ARHGAP33: variants seen among roughly 807,000 people sequenced by gnomAD.
ARHGAP33 encodes the protein Rho GTPase activating protein 33.
ARHGAP33 carries 57 observed loss-of-function variants against 126.2 expected under a neutral mutation model. The ratio of observed to expected loss-of-function variants is 0.45; its 90% CI spans 0.36 to 0.56. The LOEUF is 0.56. Among genes scored for constraint, ARHGAP33 ranks in the 20% least tolerant of loss-of-function variants. ARHGAP33 has a pLI of 0.00. For missense variants in ARHGAP33, 1,500 were observed against 1,748.3 expected (o/e 0.86, Z 2.53); for synonymous variants, 711 against 755.0 (o/e 0.94, Z 0.95).
chr19:35,788,382 C>T lies in ARHGAP33; in HGVS notation c.3817C>T (p.Pro1273Ser), dbSNP rs1261463074. The change falls in exon 21 of 21, where the codon CCC becomes TCC. Residue 1273 changes from proline to serine, a missense_variant. Physicochemically the swap from Pro to Ser is moderately conservative, Grantham distance 74 (BLOSUM62 -1). This residue lies in a region of ARHGAP33 where 642 missense variants were observed against 634.0 expected (regional missense o/e 1.01). Transcript: ENST00000007510. ...TGGTCCCCCACCCCCTTACCCCACT[C>T]CCAGCTGGTCCCTCCACTCTGAGGG... ...GAGPPPPYPTPSWSLHSEGQT... is the reference protein window; with the variant it reads ...GAGPPPPYPTSSWSLHSEGQT... 10 of 1,585,726 alleles carry T rather than the reference C, an allele frequency of 6.3e-6. No individual in the cohort carries two copies. The highest frequency in any genetic ancestry group is 8.6e-6 in the Non-Finnish European group (10 of 1,166,628).
rs1166484409 is a variant in ARHGAP33 at position 35,785,228 on chromosome 19, G to A, written c.1761G>A (p.Gly587=). 4.4e-6 allele frequency: 7 copies of A among 1,583,858 alleles called. No homozygotes were observed. Among genetic ancestry groups the A allele is most frequent in the Non-Finnish European group, 6.0e-6 (7 of 1,162,604 alleles). The change falls in exon 18 of 21, where the codon GGG becomes GGA. Residue 587 remains glycine (G), a synonymous_variant. Transcript: ENST00000007510. ...GERGEKQRKP[G]GSSWKTFFAL... The stretch of plus-strand genomic sequence containing the variant: ...GAGGGGAGAAGCAGCGGAAGCCAGG[G>A]GGCAGCAGCTGGAAGACGTTCTTTG...
chr19:35,784,239 G>A lies in ARHGAP33; in HGVS notation c.1489G>A (p.Val497Met), dbSNP rs201757694. 1.7e-5 allele frequency: 28 copies of A among 1,612,310 alleles called. No homozygotes were observed. Among genetic ancestry groups the A allele is most frequent in the African/African-American group, 2.7e-5 (2 of 74,888 alleles). Residue 497 changes from valine (V) to methionine (M), a missense_variant, in exon 16 of 21, where the codon GTG becomes ATG. Transcript: ENST00000007510. The stretch of plus-strand genomic sequence containing the variant: ...GTTCCGGGAAGTTCGGGTGCAGTCG[G>A]TGGTGGTGGAGTTTCTGCTCACCCA... ...AAFREVRVQSVVVEFLLTHVD... is the reference protein window; with the variant it reads ...AAFREVRVQSMVVEFLLTHVD...
In ARHGAP33 at chr19:35,785,183, C is replaced by T; in HGVS notation, c.1722-6C>T. 1.3e-6 allele frequency: 2 copies of T among 1,576,466 alleles called. No individual in the cohort carries two copies. Among genetic ancestry groups the T allele is most frequent in the Non-Finnish European group, 1.7e-6 (2 of 1,157,418 alleles). The stretch of plus-strand genomic sequence containing the variant: ...GACGGCCTCCTGTTTCTCCCCCAAA[C>T]CGCAGGAGGAAAGGGGAGAGAGGGG... On this transcript the variant is annotated splice_region_variant and splice_polypyrimidine_tract_variant and intron_variant, in intron 17 of 20. Coordinates refer to ENST00000007510, the MANE Select transcript of ARHGAP33 (RefSeq NM_001366178.1).
intron 2 of ARHGAP33, 39 bp from the exon 3 acceptor site, chr19:35,777,785 A>C: frequency 6.2e-7 from 1 of 1,613,496 alleles, no homozygotes; most frequent in Non-Finnish European, 8.5e-7. Flanking sequence ...AGCTGGGGAG[A>C]CTCAAGGAGC....
rs1421569759 is a variant in ARHGAP33 at position 35,788,539 on chromosome 19, C to T, written c.*110C>T. Reference sequence around the variant, plus strand: ...GAACCCCGACCACTACCCCAGGTTTCTAACTTTGTAACTTGCTTCTGATGT... The same window carrying T: ...GAACCCCGACCACTACCCCAGGTTTTTAACTTTGTAACTTGCTTCTGATGT... On this transcript the variant is annotated 3_prime_UTR_variant, in exon 21 of 21. Coordinates refer to ENST00000007510, the MANE Select transcript of ARHGAP33 (RefSeq NM_001366178.1). 16 of 1,029,382 alleles carry T rather than the reference C, an allele frequency of 1.6e-5. No individual in the cohort carries two copies. The highest frequency in any genetic ancestry group is 3.3e-5 in the African/African-American group (2 of 59,910). The allele number at this position is 1,029,382 out of a possible 1,614,324, so 63.8% of individuals were successfully genotyped here. A position where few individuals can be genotyped will look rare whatever the true frequency, so the allele number is the denominator to read the frequency against.
In ARHGAP33 at chr19:35,784,696, T is replaced by C. The variant is rs1415185141; in HGVS notation, c.1568-257T>C. ...CAGGACTCAGCACGTCGGAGGGCCC[T>C]CTGGCCCGAGGTAACTGAAGCCAGA... is the stretch of plus-strand genomic sequence containing the variant. On this transcript the variant is annotated intron_variant, in intron 16 of 20. Transcript: ENST00000007510. 5.4e-6 allele frequency: 6 copies of C among 1,112,630 alleles called. No homozygotes were observed. In the African/African-American group the frequency reaches 1.0e-4, roughly 19 times the overall value. 68.9% of individuals were successfully genotyped at this position (1,112,630 alleles called of 1,614,324 possible). A position where few individuals can be genotyped will look rare whatever the true frequency, so the allele number is the denominator to read the frequency against.
intron 6 of ARHGAP33, 49 bp from the exon 7 acceptor site, chr19:35,780,162 C>T: frequency 7.5e-6 from 12 of 1,602,512 alleles, no homozygotes; most frequent in Non-Finnish European, 1.0e-5. Flanking sequence ...TATGCCTGCA[C>T]TAACACCGTC....
chr19:35,782,387 G>T lies in ARHGAP33; in HGVS notation c.1100G>T (p.Ser367Ile). 1.2e-6 allele frequency: 2 copies of T among 1,605,458 alleles called. No individual in the cohort carries two copies. Among genetic ancestry groups the T allele is most frequent in the Non-Finnish European group, 1.7e-6 (2 of 1,172,866 alleles). ...GGTGGTCTCAGGCACGAGTTTGACA[G>T]TGAGAGGATCCCGGAGCTGTCTGGC... Reference protein sequence around the residue: ...NIQRLRHEFDSERIPELSGPA... With the variant: ...NIQRLRHEFDIERIPELSGPA... Residue 367 changes from serine (S) to isoleucine (I), a missense_variant, in exon 13 of 21, where the codon AGT becomes ATT. Ser to Ile is a moderately radical substitution (Grantham distance 142). Around this residue, in one of 6 missense-constraint regions of ARHGAP33, gnomAD observed 281 missense variants for 413.7 expected, o/e 0.68. Transcript: ENST00000007510. This position sits in a 1 kb window ranked among gnomAD's most constrained non-coding sequence, Gnocchi z 4.1.
At chr19:35,784,636 C>CCA in intron 16 of ARHGAP33, 3 of 1,273,938 alleles carry the variant, frequency 2.4e-6, no homozygotes, top group Non-Finnish European at 3.0e-6. Context: ...CGGCCCCACC[C>CCA]AGACTCCCCG....
At position 35,787,072 on chromosome 19, in the gene ARHGAP33, G is replaced by A. The variant is rs540199604; in HGVS notation, c.2602G>A (p.Gly868Ser). ...GCTCCGGGGAGCCCAGGGCCCACTC[G>A]GTGAGTCCTCAGCCTACCCCACCCC... is the stretch of plus-strand genomic sequence containing the variant. Reference protein sequence around the residue: ...SKLRGAQGPLGPDMESPLPPP... With the variant: ...SKLRGAQGPLSPDMESPLPPP... Residue 868 changes from glycine to serine, a missense_variant and splice_region_variant, in exon 20 of 21, where the codon GGT (glycine) becomes AGT (serine). Gly to Ser is a moderately conservative substitution (Grantham distance 56). Coordinates refer to ENST00000007510, the MANE Select transcript of ARHGAP33 (RefSeq NM_001366178.1). 9.4e-6 allele frequency: 15 copies of A among 1,601,550 alleles called. No individual in the cohort carries two copies. Among genetic ancestry groups the A allele is most frequent in the African/African-American group, 2.7e-5 (2 of 74,582 alleles).
chr19:35,784,502 G>C, intron 16 of ARHGAP33, 185 bp downstream of exon 16: 1 of 1,302,740 alleles, frequency 7.7e-7, no homozygotes. Context: ...CAGCTCCTCC[G>C]CTCAGGATTC....
At chr19:35,785,794 C>A in intron 19 of ARHGAP33, 1 of 1,213,678 alleles carries the variant, frequency 8.2e-7, no homozygotes, top group Admixed American at 4.2e-5. Flanking sequence ...AGCCCCATTC[C>A]TTCTCCCCTT....
chr19:35,777,373 T>C (rs1971509172), intron 1 of ARHGAP33, among the ~76,000 whole-genome samples: 1 of 152,116 alleles, frequency 6.6e-6, no homozygotes, highest in Admixed American at 6.5e-5. Flanking sequence ...GGAAGGGTTT[T>C]CAGCAGGGAG....
At position 35,786,877 on chromosome 19, in the gene ARHGAP33, G is replaced by C. The variant is rs746632333; in HGVS notation, c.2407G>C (p.Val803Leu). 1.2e-6 allele frequency: 2 copies of C among 1,606,478 alleles called. No homozygotes were observed. Among genetic ancestry groups the C allele is most frequent in the South Asian group, 1.1e-5 (1 of 90,430 alleles). Reference protein sequence around the residue: ...LDISEPLAVSVPPAVLELLGA... With the variant: ...LDISEPLAVSLPPAVLELLGA... ...CATCTCAGAGCCCCTGGCTGTATCA[G>C]TGCCACCCGCTGTCCTAGAACTGCT... is the stretch of plus-strand genomic sequence containing the variant. The change falls in exon 20 of 21, where the codon GTG (valine) becomes CTG (leucine). Residue 803 changes from valine to leucine, a missense_variant. By Grantham distance (32) the Val-to-Leu change is conservative (BLOSUM62 1). Transcript: ENST00000007510. This position sits in a 1 kb window ranked among gnomAD's most constrained non-coding sequence, Gnocchi z 7.0.
Position 35,786,433 on chromosome 19 carries a change from C to T in ARHGAP33, c.1963C>T (p.Leu655=), listed in dbSNP as rs1266613163. 1.3e-6 allele frequency: 2 copies of T among 1,534,492 alleles called. No individual in the cohort carries two copies. Among genetic ancestry groups the T allele is most frequent in the Non-Finnish European group, 1.7e-6 (2 of 1,145,918 alleles). Residue 655 remains leucine (L), a synonymous_variant, in exon 20 of 21, where the codon CTG becomes TTG. Transcript: ENST00000007510. This position sits in a 1 kb window ranked among gnomAD's most constrained non-coding sequence, Gnocchi z 7.0. ...SGAGLQRLHR[L]RRPHSSSDAF... Reference sequence around the variant, plus strand: ...TCCAGGCCTCCAGAGGCTGCACAGGCTGCGGCGACCCCACTCCAGCAGCGA... The same window carrying T: ...TCCAGGCCTCCAGAGGCTGCACAGGTTGCGGCGACCCCACTCCAGCAGCGA...
chr19:35,781,127 G>C, intron 11 of ARHGAP33, 23 bp from the exon 12 acceptor site: 1 of 1,226,424 alleles, frequency 8.2e-7, no homozygotes, highest in South Asian at 1.2e-5. Context: ...GGCCCACCCA[G>C]CCCTGACCTT....
chr19:35,778,677 G>T, intron 5 of ARHGAP33, 76 bp downstream of exon 5: 1 of 1,525,346 alleles, frequency 6.6e-7, no homozygotes. Context: ...AAGGCAGCGG[G>T]ATAGAGAAAT....
Position 35,780,444 on chromosome 19 carries a change from C to A in ARHGAP33, c.648C>A (p.Ile216=). 1 of 1,597,052 alleles carries A rather than the reference C, an allele frequency of 6.3e-7. No individual in the cohort carries two copies. Among genetic ancestry groups the A allele is most frequent in the Non-Finnish European group, 8.6e-7 (1 of 1,169,308 alleles). ...SFEVGDIVSV[I]DMPPTEDRSW... ...AGGTGGGAGACATTGTCTCGGTGAT[C>A]GACATGCCACCCACAGAGGATCGGA... is the stretch of plus-strand genomic sequence containing the variant. The change falls in exon 8 of 21, where the codon ATC becomes ATA. Residue 216 remains isoleucine, a synonymous_variant. Transcript: ENST00000007510.
rs1318301226 is a variant in ARHGAP33 at position 35,785,241 on chromosome 19, A to C, written c.1774A>C (p.Lys592Gln). ...GCGGAAGCCAGGGGGCAGCAGCTGG[A>C]AGACGTTCTTTGCACTGGGCCGGGG... is the stretch of plus-strand genomic sequence containing the variant. ...KQRKPGGSSWKTFFALGRGPS... is the reference protein window; with the variant it reads ...KQRKPGGSSWQTFFALGRGPS... The change falls in exon 18 of 21, where the codon AAG becomes CAG. Residue 592 changes from lysine (K) to glutamine (Q), a missense_variant. Lys to Gln is a moderately conservative substitution (Grantham distance 53). Around this residue, in one of 6 missense-constraint regions of ARHGAP33, gnomAD observed 300 missense variants for 291.1 expected, o/e 1.03. Transcript: ENST00000007510. The C allele has an allele frequency of 1.3e-6, 2 of 1,587,646 alleles. No homozygotes were observed. The highest frequency in any genetic ancestry group is 1.7e-6 in the Non-Finnish European group (2 of 1,165,062).
Sources: allele counts gnomAD v4.1 joint callset (sites outside exome capture counted in the v4.1 genomes callset), GRCh38; gene constraint gnomAD v4.1.1; regional missense constraint gnomAD v4.1.1; non-coding constraint Gnocchi (gnomAD v3.1); transcripts MANE v1.5; gene names NCBI Gene and HGNC (gene_info 2026-07-23, HGNC 2026-07-21).